PRKG1: variants seen among roughly 807,000 people sequenced by gnomAD.
PRKG1 encodes protein kinase cGMP-dependent 1, also known as cGMP-dependent protein kinase 1.
PRKG1 carries 35 observed loss-of-function variants against 88.1 expected under a neutral mutation model. The ratio of observed to expected loss-of-function variants is 0.40; its 90% CI spans 0.30 to 0.53. PRKG1 has a LOEUF of 0.53. PRKG1 is among the 20% of genes least tolerant of loss of function. The pLI is 0.59. For missense variants in PRKG1, 540 were observed against 839.8 expected, an observed-to-expected ratio of 0.64 and a Z score of 4.41; for synonymous variants, 303 against 292.5, an observed-to-expected ratio of 1.04 and a Z score of -0.37.
chr10:51,288,468 C>T (rs35078410), intron 2 of PRKG1, among the ~76,000 whole-genome samples: 36,994 of 152,034 alleles, frequency 0.24, 6,792 homozygotes, highest in African/African-American at 0.52. Flanking sequence ...GAAGAACAAA[C>T]TTGTTTTCAA....
chr10:52,160,168 C>CT (rs1187770175), intron 8 of PRKG1, among the ~76,000 whole-genome samples: 2 of 151,822 alleles, frequency 1.3e-5, no homozygotes, highest in Non-Finnish European at 2.9e-5. Flanking sequence ...CGCGTCTAGC[C>CT]TTAACATTCT....
chr10:52,211,375 G>A (rs1438787690), intron 9 of PRKG1, among the ~76,000 whole-genome samples: 4 of 152,102 alleles, frequency 2.6e-5, no homozygotes, highest in Non-Finnish European at 5.9e-5. Context: ...TTAAAGAAAA[G>A]CATTTTTGCC....
At chr10:51,305,760 C>T (rs1046633633) in intron 2 of PRKG1, among the ~76,000 whole-genome samples, 6 of 152,042 alleles carry the variant, frequency 3.9e-5, no homozygotes, top group African/African-American at 1.4e-4. Context: ...TAACATTTTG[C>T]TTTGTTTTAT....
At chr10:51,709,899 C>A (rs1393425837) in intron 3 of PRKG1, among the ~76,000 whole-genome samples, 1 of 152,106 alleles carries the variant, frequency 6.6e-6, no homozygotes, top group Non-Finnish European at 1.5e-5. Context: ...AGGAAACTTA[C>A]CTGACACATT....
rs1178483952 is a variant in PRKG1 at position 51,377,793 on chromosome 10, T to G, written c.479-89930T>G. On this transcript the variant is annotated intron_variant, in intron 2 of 17. Coordinates refer to ENST00000373980, the MANE Select transcript of PRKG1 (RefSeq NM_006258.4). ...AAGAGGTATTGGAAAGGACCGCACA[T>G]TCCCCAAGTGCCACCTGTGCTTCAT... 2.0e-5 allele frequency among the ~76,000 whole-genome samples: 3 copies of G among 152,218 alleles called. No individual in the cohort carries two copies. In the South Asian group the frequency reaches 6.2e-4, roughly 31 times the overall value.
At chr10:52,190,589 G>T (rs554618403) in intron 9 of PRKG1, among the ~76,000 whole-genome samples, 13 of 152,072 alleles carry the variant, frequency 8.5e-5, no homozygotes, top group Non-Finnish European at 1.8e-4. Context: ...AGAAATTGAG[G>T]CCTATGGAGG....
intron 3 of PRKG1, among the ~76,000 whole-genome samples, chr10:51,639,230 C>G (rs184982479): frequency 2.0e-5 from 3 of 151,524 alleles, no homozygotes; most frequent in Non-Finnish European, 2.9e-5. Flanking sequence ...GTGAGGAGAT[C>G]GAGACCATCC....
intron 2 of PRKG1, among the ~76,000 whole-genome samples, chr10:51,253,286 C>T (rs933272868): frequency 6.6e-6 from 1 of 151,800 alleles, no homozygotes; most frequent in Admixed American, 6.6e-5. Context: ...ACTACTTCAC[C>T]AAATGTTACC....
At chr10:52,233,517 A>G (rs1344164384) in intron 9 of PRKG1, among the ~76,000 whole-genome samples, 2,344 of 135,920 alleles carry the variant, frequency 0.017, no homozygotes, top group Non-Finnish European at 0.025. Context: ...GCAAGGGGTC[A>G]GGGAGTTCCC....
intron 2 of PRKG1, among the ~76,000 whole-genome samples, chr10:51,292,262 A>G (rs1840601669): frequency 6.6e-6 from 1 of 152,176 alleles, no homozygotes; most frequent in African/African-American, 2.4e-5. Flanking sequence ...AACATCTTCC[A>G]TAAATTAGGA....
At chr10:52,011,527 T>C (rs1844878878) in intron 5 of PRKG1, among the ~76,000 whole-genome samples, 2 of 152,162 alleles carry the variant, frequency 1.3e-5, no homozygotes, top group South Asian at 4.1e-4. Flanking sequence ...TCCCCCAACA[T>C]ATACCCTGCT....
chr10:51,246,464 T>C (rs1192643693), intron 2 of PRKG1, among the ~76,000 whole-genome samples: 1 of 151,986 alleles, frequency 6.6e-6, no homozygotes, highest in Non-Finnish European at 1.5e-5. Context: ...TTTTTTCACA[T>C]ATTGTCTGTG....
chr10:52,064,692 A>G (rs1846315814), intron 7 of PRKG1, among the ~76,000 whole-genome samples: 1 of 152,166 alleles, frequency 6.6e-6, no homozygotes, highest in South Asian at 2.1e-4. Context: ...CTGGGCCCAC[A>G]GTCGTGGCTT....
chr10:51,998,529 A>C (rs4275567), intron 5 of PRKG1, among the ~76,000 whole-genome samples: 17,954 of 152,174 alleles, frequency 0.12, 1,330 homozygotes, highest in East Asian at 0.35. Context: ...TACTGTATTT[A>C]GTTGTTTCCA....
chr10:51,313,019 A>G (rs1031420159), intron 2 of PRKG1, among the ~76,000 whole-genome samples: 3 of 151,640 alleles, frequency 2.0e-5, no homozygotes, highest in Non-Finnish European at 4.4e-5. Flanking sequence ...TCATTATTCC[A>G]CATTGATAAA....
intron 9 of PRKG1, among the ~76,000 whole-genome samples, chr10:52,229,362 A>G (rs997788374): frequency 6.6e-6 from 1 of 152,206 alleles, no homozygotes; most frequent in African/African-American, 2.4e-5. Context: ...TTTCACCTGC[A>G]TATTACTGAA....
chr10:52,073,889 A>C (rs1216327619), intron 7 of PRKG1, among the ~76,000 whole-genome samples: 1 of 152,196 alleles, frequency 6.6e-6, no homozygotes, highest in Non-Finnish European at 1.5e-5. Flanking sequence ...CAAATTATTG[A>C]TATTTGTATG....
intron 3 of PRKG1, among the ~76,000 whole-genome samples, chr10:51,558,560 A>C (rs1231614190): frequency 6.6e-6 from 1 of 152,084 alleles, no homozygotes; most frequent in Non-Finnish European, 1.5e-5. Context: ...CATCAATGGT[A>C]AAGTGAGTCT....
intron 3 of PRKG1, among the ~76,000 whole-genome samples, chr10:51,724,841 G>A (rs942553599): frequency 6.7e-6 from 1 of 149,934 alleles, no homozygotes; most frequent in African/African-American, 2.5e-5. Context: ...CTACAGGTGA[G>A]TGCTACCATG....
Sources: gnomAD v4.1 joint callset for allele counts (sites outside exome capture counted in the v4.1 genomes callset) on GRCh38, gnomAD v4.1.1 for gene constraint, MANE v1.5 for transcripts, NCBI Gene and HGNC (gene_info 2026-07-23, HGNC 2026-07-21) for gene names.